MEMO1: variants seen among roughly 807,000 people sequenced by gnomAD.
MEMO1 encodes protein MEMO1.
In MEMO1, 6 loss-of-function variants were observed where a neutral mutation model predicts 45.2. The observed-to-expected ratio is 0.13, with a 90% confidence interval of 0.07 to 0.26. The LOEUF (loss-of-function observed/expected upper bound fraction) is 0.26, where lower values mean the gene tolerates loss of function less well. MEMO1 is among the 10% of genes least tolerant of loss of function. The probability of loss-of-function intolerance (pLI) is 1.00; values close to 1 mark genes in which losing one functional copy is unlikely to be tolerated. For missense variants in MEMO1, 184 were observed against 370.5 expected (o/e 0.50, Z 4.13); for synonymous variants, 78 against 124.3 (o/e 0.63, Z 2.48).
chr2:31,896,346 C>G (rs1677811976), intron 6 of MEMO1, among the ~76,000 whole-genome samples: 1 of 152,098 alleles, frequency 6.6e-6, no homozygotes, highest in African/African-American at 2.4e-5. Context: ...TGTAACACTT[C>G]TAGAACAGGG....
intron 6 of MEMO1, among the ~76,000 whole-genome samples, chr2:31,905,755 T>G (rs1330105481): frequency 6.6e-6 from 1 of 152,206 alleles, no homozygotes; most frequent in East Asian, 1.9e-4. Flanking sequence ...CTGTCTCACA[T>G]AGGAACATTT....
intron 2 of MEMO1, among the ~76,000 whole-genome samples, chr2:31,960,344 T>A (rs1667873781): frequency 6.6e-6 from 1 of 152,198 alleles, no homozygotes; most frequent in South Asian, 2.1e-4. Flanking sequence ...CATTTGGTGT[T>A]GGAAGCATAG....
intron 2 of MEMO1, among the ~76,000 whole-genome samples, chr2:31,954,487 T>C (rs1409275901): frequency 6.6e-6 from 1 of 152,138 alleles, no homozygotes; most frequent in Non-Finnish European, 1.5e-5. Flanking sequence ...TTCTTACTCC[T>C]ATAATAGTCA....
intron 7 of MEMO1, among the ~76,000 whole-genome samples, chr2:31,884,405 T>C (rs1180060038): frequency 2.6e-5 from 4 of 152,198 alleles, no homozygotes; most frequent in African/African-American, 7.2e-5. Context: ...CTAAAGGAAT[T>C]AGACCATACA....
At chr2:31,910,437 C>T (rs1337715276) in intron 6 of MEMO1, among the ~76,000 whole-genome samples, 3 of 151,954 alleles carry the variant, frequency 2.0e-5, no homozygotes, top group Non-Finnish European at 4.4e-5. Context: ...ATAAAAGCAG[C>T]AATGTATTTG....
intron 2 of MEMO1, among the ~76,000 whole-genome samples, chr2:31,961,827 T>C (rs887866716): frequency 6.6e-6 from 1 of 151,772 alleles, no homozygotes; most frequent in Non-Finnish European, 1.5e-5. Flanking sequence ...TCCTATGACA[T>C]AGTTATTATC....
intron 6 of MEMO1, among the ~76,000 whole-genome samples, chr2:31,907,416 G>T (rs1238271491): frequency 6.6e-6 from 1 of 151,958 alleles, no homozygotes. Context: ...TACTATATTT[G>T]AAAAATTCAA....
chr2:31,943,227 T>C (rs1407305832), intron 3 of MEMO1, 75 bp downstream of exon 3: 2 of 1,066,016 alleles, frequency 1.9e-6, no homozygotes, highest in South Asian at 1.2e-5. Context: ...ACCATGCCAC[T>C]GTACTTCAGC....
chr2:31,891,557 GA>G (rs563528627), intron 7 of MEMO1, among the ~76,000 whole-genome samples: 1,684 of 141,260 alleles, frequency 0.012, 27 homozygotes, highest in South Asian at 0.058. Flanking sequence ...CACCAAAGGG[GA>G]AAAAAAAAAA....
At chr2:31,962,995 G>C (rs1282266088) in intron 2 of MEMO1, among the ~76,000 whole-genome samples, 1 of 152,208 alleles carries the variant, frequency 6.6e-6, no homozygotes, top group Admixed American at 6.5e-5. Flanking sequence ...AAGTAAGACA[G>C]AACTAATTCC....
At chr2:31,933,199 A>C (rs1017290642) in intron 3 of MEMO1, among the ~76,000 whole-genome samples, 1 of 150,890 alleles carries the variant, frequency 6.6e-6, no homozygotes, top group Non-Finnish European at 1.5e-5. Context: ...ACATGCCTGT[A>C]GTCCCAGCTA....
intron 2 of MEMO1, among the ~76,000 whole-genome samples, chr2:31,972,050 C>T (rs891995602): frequency 8.5e-5 from 13 of 152,148 alleles, no homozygotes; most frequent in African/African-American, 2.9e-4. Context: ...TTATATCAAG[C>T]GCCTTATACT....
intron 2 of MEMO1, among the ~76,000 whole-genome samples, chr2:32,005,844 G>A (rs1026843682): frequency 4.6e-5 from 7 of 152,126 alleles, no homozygotes; most frequent in African/African-American, 1.7e-4. Context: ...AAAAAAATGA[G>A]TAAGACATGG....
chr2:31,981,848 T>C (rs1353649260), intron 2 of MEMO1, among the ~76,000 whole-genome samples: 1 of 152,024 alleles, frequency 6.6e-6, no homozygotes, highest in East Asian at 1.9e-4. Flanking sequence ...TTCAAAGAAA[T>C]AGACTTTTAT....
At chr2:31,938,910 T>C (rs1465683122) in intron 3 of MEMO1, among the ~76,000 whole-genome samples, 2 of 151,286 alleles carry the variant, frequency 1.3e-5, no homozygotes, top group Non-Finnish European at 2.9e-5. Context: ...TCTCAGCTTC[T>C]GGAGTAGCTG....
chr2:31,998,848 T>A (rs1029551471), intron 2 of MEMO1, among the ~76,000 whole-genome samples: 2 of 152,130 alleles, frequency 1.3e-5, no homozygotes, highest in African/African-American at 4.8e-5. Flanking sequence ...ATCTCCACTT[T>A]TAAATCTCCA....
Position 31,922,748 on chromosome 2 carries a change from G to T in MEMO1, c.213-1838C>A, listed in dbSNP as rs572457974. Among the ~76,000 whole-genome samples, 9 of 151,980 alleles carry T rather than the reference G, an allele frequency of 5.9e-5. No homozygotes were observed. The South Asian group carries it at 1.7e-3, about 28-fold the overall frequency. ...CAGTATTTGTTTTCTGTTCCTACGGGAGTTTGCTTAGGATAATGGCCTCTA... is the reference window on the plus strand; with the variant it reads ...CAGTATTTGTTTTCTGTTCCTACGGTAGTTTGCTTAGGATAATGGCCTCTA... On this transcript the variant is annotated intron_variant, in intron 4 of 9. Transcript: ENST00000404530.
intron 4 of MEMO1, among the ~76,000 whole-genome samples, chr2:31,931,507 T>C (rs1015979378): frequency 1.3e-5 from 2 of 152,138 alleles, no homozygotes; most frequent in African/African-American, 4.8e-5. Flanking sequence ...ACAAGTTTCT[T>C]ACAGAGTAGT....
At chr2:31,965,252 G>A (rs1173295351) in intron 2 of MEMO1, among the ~76,000 whole-genome samples, 1 of 150,164 alleles carries the variant, frequency 6.7e-6, no homozygotes, top group Non-Finnish European at 1.5e-5. Context: ...GAAAGGGAGG[G>A]AAAAAAGGGA....
Sources: allele counts gnomAD v4.1 joint callset (sites outside exome capture counted in the v4.1 genomes callset), GRCh38; gene constraint gnomAD v4.1.1; transcripts MANE v1.5; gene names NCBI Gene and HGNC (gene_info 2026-07-23, HGNC 2026-07-21).